Variants in LCORL observed in about 807,000 individuals in gnomAD.
The protein encoded by LCORL is ligand dependent nuclear receptor corepressor like.
Under a neutral mutation model 141.8 loss-of-function variants are expected in LCORL, and 41 were observed. The ratio of observed to expected loss-of-function variants is 0.29; its 90% CI spans 0.23 to 0.38. LCORL has a LOEUF of 0.38. Among genes scored for constraint, LCORL ranks in the 10% least tolerant of loss-of-function variants. The probability of loss-of-function intolerance (pLI) is 1.00; values close to 1 mark genes in which losing one functional copy is unlikely to be tolerated. For synonymous variants in LCORL, 618 were observed against 694.1 expected, an observed-to-expected ratio of 0.89 and a Z score of 1.72; for missense variants, 1,759 against 2,035.0, an observed-to-expected ratio of 0.86 and a Z score of 2.61.
chr4:17,962,989 A>G, exon 3 of LCORL: 1 of 1,594,350 alleles, frequency 6.3e-7, no homozygotes, highest in Non-Finnish European at 8.6e-7. Flanking sequence ...TTCTCTCTGT[A>G]GGTTACAAAA....
chr4:17,909,350 G>C lies in LCORL; in HGVS notation c.431-5C>G. ...GATCACAGTTCTGAGGAAGATCTAG[G>C]GAAGAAATAAATATAATAATCATTT... is the stretch of plus-strand genomic sequence containing the variant. On this transcript the variant is annotated splice_polypyrimidine_tract_variant and splice_region_variant and intron_variant, in intron 4 of 7. Transcript: ENST00000635767. The C allele has an allele frequency of 3.2e-6, 5 of 1,559,786 alleles. No individual in the cohort carries two copies. Among genetic ancestry groups the C allele is most frequent in the Non-Finnish European group, 4.3e-6 (5 of 1,152,698 alleles).
intron 2 of LCORL, among the ~76,000 whole-genome samples, chr4:17,971,543 T>G (rs1419119112): frequency 1.3e-5 from 2 of 151,704 alleles, no homozygotes; most frequent in Non-Finnish European, 3.0e-5. Flanking sequence ...TTTGATTATT[T>G]TCTTGTGATA....
chr4:17,934,277 C>T (rs1475588508), intron 4 of LCORL, among the ~76,000 whole-genome samples: 6 of 151,850 alleles, frequency 4.0e-5, no homozygotes, highest in Non-Finnish European at 8.8e-5. Flanking sequence ...ATGAAATACA[C>T]CAATGAAAGG....
chr4:17,873,979 G>C (rs896854972), exon 7 of LCORL: 3 of 1,234,110 alleles, frequency 2.4e-6, no homozygotes, highest in Non-Finnish European at 2.0e-6. Context: ...ACCCTCTGCT[G>C]CAAGTCACCC....
chr4:17,944,236 T>C (rs982242966), intron 4 of LCORL, among the ~76,000 whole-genome samples: 2 of 152,214 alleles, frequency 1.3e-5, no homozygotes, highest in Non-Finnish European at 2.9e-5. Context: ...TACTTTAAAA[T>C]GTACAATTAA....
At chr4:17,947,357 A>G (rs1223482884) in intron 4 of LCORL, among the ~76,000 whole-genome samples, 1 of 152,022 alleles carries the variant, frequency 6.6e-6, no homozygotes, top group Non-Finnish European at 1.5e-5. Context: ...AGCAGAGAGC[A>G]GAATAGTAGA....
At chr4:17,958,905 T>C (rs1713221104) in intron 4 of LCORL, among the ~76,000 whole-genome samples, 1 of 152,018 alleles carries the variant, frequency 6.6e-6, no homozygotes. Flanking sequence ...TTAATTTTAG[T>C]GTTAACCTCT....
rs577235086 is a variant in LCORL, at chr4:17,929,485, T to C, written c.431-20140A>G. On this transcript the variant is annotated intron_variant, in intron 4 of 7. Coordinates refer to ENST00000635767, the Ensembl canonical transcript of LCORL. The stretch of plus-strand genomic sequence containing the variant: ...CGCACTCATATACAGTTAATTTATT[T>C]TTGATGAGTACTAAAACAATTCAAT... Among the ~76,000 whole-genome samples the C allele has an allele frequency of 3.9e-5, 6 of 152,300 alleles. No individual in the cohort carries two copies. The South Asian group carries it at 1.2e-3, about 32-fold the overall frequency.
At chr4:17,929,469 A>G (rs1457454525) in intron 4 of LCORL, among the ~76,000 whole-genome samples, 2 of 152,212 alleles carry the variant, frequency 1.3e-5, no homozygotes, top group African/African-American at 4.8e-5. Context: ...ACGCACTCAT[A>G]TACAGTTAAT....
rs1189895469 is a variant in LCORL, at chr4:17,906,651, C to T, written c.682+2443G>A. On this transcript the variant is annotated intron_variant, in intron 5 of 7. Transcript: ENST00000635767. The stretch of plus-strand genomic sequence containing the variant: ...GTCTTGCCACTTAACTTCATAGAAT[C>T]AAAGATCTAAGGACTGGAAATTTAC... Among the ~76,000 whole-genome samples the T allele has an allele frequency of 4.6e-5, 7 of 150,566 alleles. No homozygotes were observed. The East Asian group carries it at 1.4e-3, about 29-fold the overall frequency.
intron 6 of LCORL, chr4:17,880,268 C>T: frequency 5.0e-6 from 1 of 199,536 alleles, no homozygotes; most frequent in Non-Finnish European, 9.0e-6. Context: ...CATTCTCCCC[C>T]ATATTTCTTG....
chr4:17,875,014 G>T, exon 7 of LCORL: 1 of 1,233,634 alleles, frequency 8.1e-7, no homozygotes, highest in Non-Finnish European at 1.0e-6. Context: ...TGTCTCAAAG[G>T]TACAGTAGCA....
chr4:17,957,375 G>A (rs954210322), intron 4 of LCORL, among the ~76,000 whole-genome samples: 1 of 151,918 alleles, frequency 6.6e-6, no homozygotes, highest in African/African-American at 2.4e-5. Context: ...CATCCTTTAT[G>A]AACACATAAG....
chr4:17,976,464 A>G (rs1034306282), intron 1 of LCORL, among the ~76,000 whole-genome samples: 1 of 152,122 alleles, frequency 6.6e-6, no homozygotes, highest in Non-Finnish European at 1.5e-5. Context: ...TACAATATTC[A>G]TTTTAGCTTT....
intron 1 of LCORL, among the ~76,000 whole-genome samples, chr4:17,998,985 A>AAAAAAAAAATAT (rs1374815646): frequency 8.6e-5 from 5 of 57,890 alleles, no homozygotes; most frequent in Admixed American, 2.6e-4. Flanking sequence ...AAAAAAAAAA[A>AAAAAAAAAATAT]ATATATATAT....
In LCORL at chr4:17,884,975, C is replaced by T. The variant is rs1224529253; in HGVS notation, c.776+1093G>A. Among the ~76,000 whole-genome samples the T allele has an allele frequency of 6.6e-6, 1 of 151,920 alleles. No individual in the cohort carries two copies. The highest frequency in any genetic ancestry group is 2.4e-5 in the African/African-American group (1 of 41,400). On this transcript the variant is annotated intron_variant, in intron 6 of 7. Coordinates refer to ENST00000635767, the Ensembl canonical transcript of LCORL. The surrounding 1 kb of genome is among the most constrained non-coding windows in gnomAD (Gnocchi z 4.4). ...GATACGGTGGCCTCAACGGGCAGAC[C>T]TTCCAAGAACATAAAATCCTAACTC...
chr4:17,962,574 A>G (rs908327045), intron 3 of LCORL, among the ~76,000 whole-genome samples: 5 of 152,060 alleles, frequency 3.3e-5, no homozygotes, highest in Admixed American at 1.3e-4. Context: ...AGAGTAAGTG[A>G]AAGGCTAAAA....
chr4:17,863,782 G>T (rs1382866228), intron 7 of LCORL, among the ~76,000 whole-genome samples: 1 of 152,138 alleles, frequency 6.6e-6, no homozygotes. Flanking sequence ...AAGAAAATAT[G>T]GTACATATAG....
intron 5 of LCORL, among the ~76,000 whole-genome samples, chr4:17,892,875 A>G (rs1223292914): frequency 1.3e-5 from 2 of 152,284 alleles, no homozygotes; most frequent in Non-Finnish European, 1.5e-5. Context: ...TTTATCCTCT[A>G]TATTACATTA....
Sources: gnomAD v4.1 joint callset for allele counts (sites outside exome capture counted in the v4.1 genomes callset) on GRCh38, gnomAD v4.1.1 for gene constraint, Gnocchi (gnomAD v3.1) non-coding constraint, MANE v1.5 for transcripts, NCBI Gene and HGNC (gene_info 2026-07-23, HGNC 2026-07-21) for gene names.